LRRC4C: variants seen among roughly 807,000 people sequenced by gnomAD.
LRRC4C encodes the protein leucine rich repeat containing 4C, also known as leucine-rich repeat-containing protein 4C.
LRRC4C carries 5 observed loss-of-function variants against 33.6 expected under a neutral mutation model. The observed-to-expected ratio is 0.15, with a 90% confidence interval of 0.08 to 0.31. The LOEUF (loss-of-function observed/expected upper bound fraction) is 0.31, where lower values mean the gene tolerates loss of function less well. Among genes scored for constraint, LRRC4C ranks in the 10% least tolerant of loss-of-function variants. The pLI is 1.00. For missense variants in LRRC4C, 560 were observed against 796.7 expected (o/e 0.70, Z 3.58); for synonymous variants, 329 against 302.0 (o/e 1.09, Z -0.93).
rs1300482694 is a variant in LRRC4C at position 41,040,962 on chromosome 11, T to G, written c.-495-107239A>C. Among the ~76,000 whole-genome samples, 5 of 152,286 alleles carry G rather than the reference T, an allele frequency of 3.3e-5. No homozygotes were observed. In the South Asian group the frequency reaches 6.2e-4, roughly 19 times the overall value. On this transcript the variant is annotated intron_variant, in intron 1 of 6. Transcript: ENST00000528697. ...GTTCTATCTATATTCTATGCAGATA[T>G]ACTCACACCATCACACCACCTGGGT... is the stretch of plus-strand genomic sequence containing the variant.
At chr11:41,182,167 T>C (rs996088915) in intron 1 of LRRC4C, among the ~76,000 whole-genome samples, 19 of 152,218 alleles carry the variant, frequency 1.2e-4, no homozygotes, top group Non-Finnish European at 1.9e-4. Flanking sequence ...AAATAGCATC[T>C]GATAGAGAAT....
chr11:40,834,911 G>GACACAC (rs10682975), intron 2 of LRRC4C, among the ~76,000 whole-genome samples: 2,018 of 84,908 alleles, frequency 0.024, 46 homozygotes, highest in African/African-American at 0.044. Context: ...CAGACAGACA[G>GACACAC]ACACACACAC....
At chr11:40,559,215 C>T (rs1591104271) in intron 3 of LRRC4C, among the ~76,000 whole-genome samples, 1 of 142,062 alleles carries the variant, frequency 7.0e-6, no homozygotes, top group African/African-American at 2.6e-5. Flanking sequence ...GGTGGGGTCT[C>T]ACTCTGCCAC....
intron 1 of LRRC4C, among the ~76,000 whole-genome samples, chr11:41,194,027 C>T (rs1946077715): frequency 6.6e-6 from 1 of 151,946 alleles, no homozygotes; most frequent in African/African-American, 2.4e-5. Flanking sequence ...GACAGTAAAA[C>T]CAACCTCTCC....
At chr11:41,220,982 T>C (rs1317836962) in intron 1 of LRRC4C, among the ~76,000 whole-genome samples, 1 of 152,190 alleles carries the variant, frequency 6.6e-6, no homozygotes, top group Admixed American at 6.5e-5. Flanking sequence ...TCTGTATTTA[T>C]TTATTTACTT....
At chr11:40,936,336 GTTTTT>G (rs34468606) in intron 1 of LRRC4C, among the ~76,000 whole-genome samples, 1 of 112,722 alleles carries the variant, frequency 8.9e-6, no homozygotes. Flanking sequence ...TCTAACACTT[GTTTTT>G]TTTTTTTTTT....
chr11:41,174,742 T>C (rs1316719266), intron 1 of LRRC4C, among the ~76,000 whole-genome samples: 1 of 152,108 alleles, frequency 6.6e-6, no homozygotes, highest in Non-Finnish European at 1.5e-5. Context: ...CACATGTTTA[T>C]ACCTTTGGCT....
At chr11:41,430,868 A>G (rs930794616) in intron 1 of LRRC4C, among the ~76,000 whole-genome samples, 1 of 151,942 alleles carries the variant, frequency 6.6e-6, no homozygotes. Flanking sequence ...TTCTCATCTT[A>G]CTTTTTCCCC....
chr11:41,025,382 T>G (rs1271834419), intron 1 of LRRC4C, among the ~76,000 whole-genome samples: 1 of 151,398 alleles, frequency 6.6e-6, no homozygotes, highest in Non-Finnish European at 1.5e-5. Flanking sequence ...GATAAGAAAA[T>G]GAAACAGCCT....
chr11:40,508,359 C>A (rs753467227), intron 3 of LRRC4C, among the ~76,000 whole-genome samples: 1 of 151,964 alleles, frequency 6.6e-6, no homozygotes, highest in Non-Finnish European at 1.5e-5. Flanking sequence ...ACACAAAAAA[C>A]AGAGGTAGAC....
intron 2 of LRRC4C, among the ~76,000 whole-genome samples, chr11:40,774,439 A>G (rs137932948): frequency 4.1e-4 from 62 of 152,280 alleles, no homozygotes; most frequent in Middle Eastern, 6.8e-3. Context: ...GGAGTAGTCA[A>G]TTGGGGATAA....
chr11:40,630,162 C>G (rs981188445), intron 3 of LRRC4C, among the ~76,000 whole-genome samples: 3 of 151,956 alleles, frequency 2.0e-5, no homozygotes, highest in Non-Finnish European at 4.4e-5. Context: ...TATACATGAA[C>G]AAAGCCAAAA....
intron 1 of LRRC4C, among the ~76,000 whole-genome samples, chr11:41,195,493 T>C (rs1370991003): frequency 2.0e-5 from 3 of 152,080 alleles, no homozygotes; most frequent in African/African-American, 7.2e-5. Flanking sequence ...ATCAAGGAGA[T>C]AGACAAATAT....
Position 40,783,973 on chromosome 11 carries a change from G to A in LRRC4C, c.-406-135695C>T, listed in dbSNP as rs181726267. Among the ~76,000 whole-genome samples, 935 of 151,922 alleles carry A rather than the reference G, an allele frequency of 6.2e-3. 7 individuals are homozygous for A. Among genetic ancestry groups the A allele is most frequent in the Non-Finnish European group, 9.6e-3 (653 of 67,948 alleles). On this transcript the variant is annotated intron_variant, in intron 2 of 6. Coordinates refer to ENST00000528697, the MANE Select transcript of LRRC4C (RefSeq NM_001258419.2). ...GTGCAACATTCATTGGACAAATACC[G>A]CTATTTAAAAAAATATTATTTGCAT...
At chr11:40,874,367 A>G (rs1332961864) in intron 2 of LRRC4C, among the ~76,000 whole-genome samples, 1 of 152,068 alleles carries the variant, frequency 6.6e-6, no homozygotes, top group Non-Finnish European at 1.5e-5. Flanking sequence ...TTTTTAGCTT[A>G]GGCAAGAAAA....
intron 3 of LRRC4C, among the ~76,000 whole-genome samples, chr11:40,338,681 T>A (rs935607944): frequency 6.6e-6 from 1 of 152,146 alleles, no homozygotes. Flanking sequence ...TTGAAAGTAT[T>A]TTTTTTAAAA....
chr11:40,751,264 C>T (rs973034151), intron 2 of LRRC4C, among the ~76,000 whole-genome samples: 2 of 152,030 alleles, frequency 1.3e-5, no homozygotes, highest in Non-Finnish European at 2.9e-5. Flanking sequence ...GATGTCCTAG[C>T]CAGATAAATC....
At chr11:40,466,134 C>T (rs529836511) in intron 3 of LRRC4C, among the ~76,000 whole-genome samples, 1 of 152,070 alleles carries the variant, frequency 6.6e-6, no homozygotes, top group South Asian at 2.1e-4. Flanking sequence ...GAATTGGAGG[C>T]TATTATCCTA....
chr11:40,266,991 T>A (rs1942320976), intron 4 of LRRC4C, among the ~76,000 whole-genome samples: 1 of 128,100 alleles, frequency 7.8e-6, no homozygotes, highest in African/African-American at 3.0e-5. Flanking sequence ...CTTCTCTTTG[T>A]CAAGGTCCAA....
Sources: allele counts gnomAD v4.1 joint callset (sites outside exome capture counted in the v4.1 genomes callset), GRCh38; gene constraint gnomAD v4.1.1; transcripts MANE v1.5; gene names NCBI Gene and HGNC (gene_info 2026-07-23, HGNC 2026-07-21).